Variants in SDHC observed in about 807,000 individuals in gnomAD.
SDHC encodes succinate dehydrogenase cytochrome b560 subunit, mitochondrial.
Under a neutral mutation model 22.6 loss-of-function variants are expected in SDHC, and 11 were observed. The observed-to-expected ratio is 0.49, with a 90% CI of 0.31 to 0.81. The LOEUF (loss-of-function observed/expected upper bound fraction) is 0.81, where lower values mean the gene tolerates loss of function less well. Ranked by LOEUF, SDHC falls within the 30% of genes least tolerant of loss-of-function variation. The pLI is 0.05. For missense variants in SDHC, 160 were observed against 212.0 expected (o/e 0.75, Z 1.52); for synonymous variants, 80 against 77.8 (o/e 1.03, Z -0.15).
intron 2 of SDHC, among the ~76,000 whole-genome samples, chr1:161,326,468 TTA>T (rs1229725686): frequency 1.3e-4 from 20 of 150,690 alleles, no homozygotes; most frequent in African/African-American, 4.6e-4. Flanking sequence ...AACTACTCAA[TTA>T]TATAGTAGGG....
chr1:161,335,511 T>C (rs1208609408), intron 3 of SDHC, among the ~76,000 whole-genome samples: 3 of 152,166 alleles, frequency 2.0e-5, no homozygotes, highest in Non-Finnish European at 4.4e-5. Flanking sequence ...TTTGTTTTGA[T>C]AGGGTAAAGC....
chr1:161,350,273 A>G (rs561357503), intron 4 of SDHC, among the ~76,000 whole-genome samples: 1 of 152,062 alleles, frequency 6.6e-6, no homozygotes, highest in Admixed American at 6.6e-5. Context: ...GCTGGTCTCA[A>G]CTCCTGAGCT....
chr1:161,339,317 G>A (rs947967632), intron 3 of SDHC, among the ~76,000 whole-genome samples: 7 of 151,598 alleles, frequency 4.6e-5, no homozygotes, highest in Admixed American at 6.6e-5. Context: ...CAAGTAGCTG[G>A]GACCACAGGC....
intron 4 of SDHC, among the ~76,000 whole-genome samples, chr1:161,349,751 GA>G (rs1672038448): frequency 6.6e-6 from 1 of 152,092 alleles, no homozygotes; most frequent in South Asian, 2.1e-4. Context: ...TAGAAAAAGT[GA>G]AAAAAGTGCA....
Position 161,339,595 on chromosome 1 carries a change from A to T in SDHC, c.180-999A>T, listed in dbSNP as rs748590433. The T allele has an allele frequency of 2.4e-4, 291 of 1,224,808 alleles. 1 individual carries two copies. The highest frequency in any genetic ancestry group is 3.1e-4 in the Non-Finnish European group (289 of 946,798). 75.9% of individuals were successfully genotyped at this position (1,224,808 alleles called of 1,614,324 possible). A position where few individuals can be genotyped will look rare whatever the true frequency, so the allele number is the denominator to read the frequency against. On this transcript the variant is annotated intron_variant, in intron 3 of 5. Transcript: ENST00000367975. The stretch of plus-strand genomic sequence containing the variant: ...GTGATGCAGTCTGGTAAAGGTAGGG[A>T]TCCTTCTCCATAAATCAGTTTTCTT...
chr1:161,357,905 A>G (rs1303388347), intron 5 of SDHC, among the ~76,000 whole-genome samples: 4 of 151,858 alleles, frequency 2.6e-5, no homozygotes, highest in Admixed American at 1.3e-4. Context: ...ACAGGACTCA[A>G]ATAGATTACC....
At position 161,322,741 on chromosome 1, in the gene SDHC, G is replaced by GT. The variant is rs569112182; in HGVS notation, c.21-867dup. On this transcript the variant is annotated intron_variant, in intron 1 of 5. Transcript: ENST00000367975. ...ACTACCACACCCAACTAATTTTCATGTTTTTTGTAGAGATGGGGTTTTACC... is the reference window on the plus strand; with the variant it reads ...ACTACCACACCCAACTAATTTTCATGTTTTTTTGTAGAGATGGGGTTTTACC... Among the ~76,000 whole-genome samples the GT allele has an allele frequency of 2.0e-3, 307 of 150,498 alleles. 2 individuals carry two copies. The highest frequency in any genetic ancestry group is 7.1e-3 in the African/African-American group (292 of 40,884).
At chr1:161,332,476 C>T (rs897251278) in intron 3 of SDHC, among the ~76,000 whole-genome samples, 1 of 152,132 alleles carries the variant, frequency 6.6e-6, no homozygotes, top group African/African-American at 2.4e-5. Context: ...TAATTTCCTC[C>T]TGAGCCTTTA....
At chr1:161,324,853 C>T (rs1670991970) in intron 2 of SDHC, among the ~76,000 whole-genome samples, 1 of 152,054 alleles carries the variant, frequency 6.6e-6, no homozygotes. Flanking sequence ...GAACTCTTAT[C>T]TGATACACAG....
chr1:161,335,074 T>G (rs1026058215), intron 3 of SDHC, among the ~76,000 whole-genome samples: 1 of 152,224 alleles, frequency 6.6e-6, no homozygotes, highest in African/African-American at 2.4e-5. Flanking sequence ...GGGAGAGATT[T>G]TTAGTCTTTC....
intron 1 of SDHC, among the ~76,000 whole-genome samples, chr1:161,315,799 G>A (rs1670587716): frequency 6.6e-6 from 1 of 151,700 alleles, no homozygotes; most frequent in Admixed American, 6.6e-5. Flanking sequence ...ACAAAGTATA[G>A]AGAAAGAAAA....
chr1:161,320,986 C>G (rs1261103019), intron 1 of SDHC, among the ~76,000 whole-genome samples: 1 of 152,016 alleles, frequency 6.6e-6, no homozygotes, highest in Non-Finnish European at 1.5e-5. Flanking sequence ...GCCACTACGC[C>G]CAGCTAATTT....
At chr1:161,323,961 G>C (rs1416616785) in intron 2 of SDHC, among the ~76,000 whole-genome samples, 2 of 152,162 alleles carry the variant, frequency 1.3e-5, no homozygotes, top group African/African-American at 4.8e-5. Flanking sequence ...CTCCCAAAGT[G>C]CTGGGATTAC....
chr1:161,348,556 C>T (rs540317496), intron 4 of SDHC, among the ~76,000 whole-genome samples: 25 of 149,946 alleles, frequency 1.7e-4, no homozygotes, highest in African/African-American at 5.2e-4. Flanking sequence ...TGCGGTAGCT[C>T]ATGGCTGTAA....
At chr1:161,328,601 A>T in intron 3 of SDHC, 104 bp downstream of exon 3, 1 of 792,888 alleles carries the variant, frequency 1.3e-6, no homozygotes, top group Non-Finnish European at 2.2e-6. Flanking sequence ...ACTCAACCAA[A>T]ATACTGCTAT....
At position 161,362,765 on chromosome 1, in the gene SDHC, CAG is replaced by C; in HGVS notation, c.*333_*334del. 1 of 530,914 alleles carries C rather than the reference CAG, an allele frequency of 1.9e-6. No homozygotes were observed. The highest frequency in any genetic ancestry group is 2.1e-5 in the South Asian group (1 of 48,236). The allele number at this position is 530,914 out of a possible 1,614,324, so 32.9% of individuals were successfully genotyped here. On this transcript the variant is annotated 3_prime_UTR_variant, in exon 6 of 6. Transcript: ENST00000367975. Reference sequence around the variant, plus strand: ...AGCTTTTGGCTCCTTCTTCCTGAGACAGTGGAAACAATGCCAGCTCTGTGGCT... The same window carrying C: ...AGCTTTTGGCTCCTTCTTCCTGAGACTGGAAACAATGCCAGCTCTGTGGCT...
At chr1:161,334,717 C>CTGTAA (rs1671406783) in intron 3 of SDHC, among the ~76,000 whole-genome samples, 2 of 151,812 alleles carry the variant, frequency 1.3e-5, no homozygotes, top group African/African-American at 4.9e-5. Flanking sequence ...GGGATTACGG[C>CTGTAA]TCACTCCCTC....
chr1:161,335,991 C>G (rs1272353441), intron 3 of SDHC, among the ~76,000 whole-genome samples: 2 of 152,072 alleles, frequency 1.3e-5, no homozygotes, highest in South Asian at 2.1e-4. Context: ...GCCAGTGAGG[C>G]TGGCCATTTT....
At chr1:161,347,160 A>G (rs1671929782) in intron 4 of SDHC, among the ~76,000 whole-genome samples, 1 of 152,228 alleles carries the variant, frequency 6.6e-6, no homozygotes, top group Non-Finnish European at 1.5e-5. Context: ...AAGAGGAGGT[A>G]GAGGAGGGCA....
Sources: gnomAD v4.1 joint callset for allele counts (sites outside exome capture counted in the v4.1 genomes callset) on GRCh38, gnomAD v4.1.1 for gene constraint, MANE v1.5 for transcripts, NCBI Gene and HGNC (gene_info 2026-07-23, HGNC 2026-07-21) for gene names.